ARFIP1: variants seen among roughly 807,000 people sequenced by gnomAD.
The protein encoded by ARFIP1 is arfaptin-1.
A neutral mutation model predicts 42.5 loss-of-function variants in ARFIP1; 24 were observed. That is an observed-to-expected ratio of 0.57 (90% CI 0.41 to 0.80). The LOEUF is 0.80. Ranked by LOEUF, ARFIP1 falls within the 30% of genes least tolerant of loss-of-function variation. The pLI, the probability that ARFIP1 is intolerant of heterozygous loss-of-function variation, is 0.00. For missense variants in ARFIP1, 354 were observed against 434.0 expected, an observed-to-expected ratio of 0.82 and a Z score of 1.64; for synonymous variants, 141 against 153.7, an observed-to-expected ratio of 0.92 and a Z score of 0.61.
chr4:152,887,370 A>G (rs1472679786), intron 7 of ARFIP1, among the ~76,000 whole-genome samples: 5 of 152,024 alleles, frequency 3.3e-5, no homozygotes, highest in Non-Finnish European at 7.4e-5. Flanking sequence ...CATTCTGAAT[A>G]CTGATGTTAC....
At chr4:152,885,733 T>C (rs900858016) in intron 7 of ARFIP1, among the ~76,000 whole-genome samples, 1 of 152,088 alleles carries the variant, frequency 6.6e-6, no homozygotes, top group African/African-American at 2.4e-5. Context: ...TCCAAGGCTA[T>C]TGAAGGATAT....
chr4:152,876,508 A>G (rs1735343702), intron 5 of ARFIP1, among the ~76,000 whole-genome samples: 1 of 152,222 alleles, frequency 6.6e-6, no homozygotes, highest in Non-Finnish European at 1.5e-5. Context: ...TGTTAAAGGC[A>G]TTCAGTTTTA....
intron 8 of ARFIP1, among the ~76,000 whole-genome samples, chr4:152,889,264 T>C (rs1736522609): frequency 6.6e-6 from 1 of 151,960 alleles, no homozygotes; most frequent in Non-Finnish European, 1.5e-5. Context: ...CTCTCATGGC[T>C]ACTATAAAAC....
chr4:152,897,205 A>G (rs1430848873), intron 8 of ARFIP1, among the ~76,000 whole-genome samples: 1 of 152,168 alleles, frequency 6.6e-6, no homozygotes, highest in African/African-American at 2.4e-5. Context: ...GACTCATCCA[A>G]CCCATACCTG....
At chr4:152,857,304 TG>T (rs1733523550) in intron 2 of ARFIP1, among the ~76,000 whole-genome samples, 1 of 152,222 alleles carries the variant, frequency 6.6e-6, no homozygotes, top group Non-Finnish European at 1.5e-5. Flanking sequence ...TCTGAAATAA[TG>T]TTTTTTTAAA....
chr4:152,901,519 G>A (rs1737832517), intron 8 of ARFIP1, among the ~76,000 whole-genome samples: 1 of 152,310 alleles, frequency 6.6e-6, no homozygotes, highest in East Asian at 1.9e-4. Context: ...TTGTTTGGCA[G>A]ATGTTTACGA....
intron 1 of ARFIP1, among the ~76,000 whole-genome samples, chr4:152,790,645 T>C (rs1731089869): frequency 6.6e-6 from 1 of 152,214 alleles, no homozygotes. Flanking sequence ...ACTTTTAAAT[T>C]GTTTCTTATT....
chr4:152,790,791 T>C lies in ARFIP1; in HGVS notation c.-10+10565T>C, dbSNP rs116553664. ...ATCTGTTGCCCAGGCTGGAGTGTAG[T>C]GTCACAGTCTCGGCTTACTGCAACC... On this transcript the variant is annotated intron_variant, in intron 1 of 8. Coordinates refer to ENST00000353617, the MANE Select transcript of ARFIP1 (RefSeq NM_001025595.3). Among the ~76,000 whole-genome samples the C allele has an allele frequency of 7.7e-3, 1,153 of 148,842 alleles. 14 individuals are homozygous for C. The highest frequency in any genetic ancestry group is 0.027 in the African/African-American group (1,067 of 40,176).
chr4:152,842,573 T>G (rs1206100120), intron 2 of ARFIP1, among the ~76,000 whole-genome samples: 1 of 152,202 alleles, frequency 6.6e-6, no homozygotes, highest in East Asian at 1.9e-4. Flanking sequence ...TTGTTTAACA[T>G]AATCCCAGAC....
At chr4:152,877,069 C>T (rs571235280) in intron 5 of ARFIP1, among the ~76,000 whole-genome samples, 12 of 152,270 alleles carry the variant, frequency 7.9e-5, no homozygotes, top group African/African-American at 2.9e-4. Flanking sequence ...GGGAATCGTG[C>T]GATCAGAGCC....
At position 152,868,107 on chromosome 4, in the gene ARFIP1, C is replaced by T. The variant is rs147073707; in HGVS notation, c.203-2646C>T. Among the ~76,000 whole-genome samples the T allele has an allele frequency of 8.5e-3, 1,289 of 152,264 alleles. 13 individuals carry two copies. The highest frequency in any genetic ancestry group is 0.02 in the Middle Eastern group (6 of 294). On this transcript the variant is annotated intron_variant, in intron 3 of 8. Coordinates refer to ENST00000353617, the MANE Select transcript of ARFIP1 (RefSeq NM_001025595.3). ...AAACAGTTAACAAGAAGAGTATAAC[C>T]ATCTACTTTTTCATCTATCTAGAGC...
At chr4:152,797,980 G>C (rs1056973844) in intron 1 of ARFIP1, among the ~76,000 whole-genome samples, 16 of 152,132 alleles carry the variant, frequency 1.1e-4, no homozygotes, top group Non-Finnish European at 2.9e-5. Flanking sequence ...AGAAATGGCC[G>C]GGCGCGGTGG....
chr4:152,784,926 T>TGACATACTGCCTTTGGAACAGG (rs1561093337), intron 1 of ARFIP1, among the ~76,000 whole-genome samples: 1 of 152,224 alleles, frequency 6.6e-6, no homozygotes, highest in Non-Finnish European at 1.5e-5. Flanking sequence ...TGGGGAACAG[T>TGACATACTGCCTTTGGAACAGG]GACATACTGC....
intron 3 of ARFIP1, among the ~76,000 whole-genome samples, chr4:152,866,827 G>A (rs1173711920): frequency 4.6e-5 from 7 of 151,936 alleles, no homozygotes; most frequent in African/African-American, 1.7e-4. Context: ...TGGGGTCGCG[G>A]CCAGGCAGAG....
At chr4:152,870,500 T>G (rs1734787627) in intron 3 of ARFIP1, among the ~76,000 whole-genome samples, 1 of 152,236 alleles carries the variant, frequency 6.6e-6, no homozygotes, top group African/African-American at 2.4e-5. Context: ...TTAGATGTCA[T>G]CTACCAGATT....
intron 8 of ARFIP1, among the ~76,000 whole-genome samples, chr4:152,905,067 T>G (rs535140398): frequency 4.6e-5 from 7 of 152,198 alleles, no homozygotes; most frequent in Non-Finnish European, 1.0e-4. Context: ...TGTTGTTTCT[T>G]GACTTTTTAA....
intron 2 of ARFIP1, among the ~76,000 whole-genome samples, chr4:152,834,011 CAG>C (rs1015315318): frequency 2.0e-4 from 30 of 152,144 alleles, no homozygotes; most frequent in Non-Finnish European, 2.9e-5. Context: ...GGTGGGGCCT[CAG>C]GGAGCTTTTA....
chr4:152,869,033 A>C (rs942118327), intron 3 of ARFIP1, among the ~76,000 whole-genome samples: 8 of 152,216 alleles, frequency 5.3e-5, no homozygotes, highest in Non-Finnish European at 1.2e-4. Flanking sequence ...TAAAGAGAAA[A>C]ATATCTCTCA....
intron 5 of ARFIP1, among the ~76,000 whole-genome samples, chr4:152,876,938 T>C (rs971628392): frequency 4.3e-4 from 65 of 152,318 alleles, no homozygotes; most frequent in African/African-American, 1.5e-3. Context: ...AAGTCAGGAA[T>C]TGAGGTTTGG....
Sources: gnomAD v4.1 joint callset for allele counts (sites outside exome capture counted in the v4.1 genomes callset) on GRCh38, gnomAD v4.1.1 for gene constraint, MANE v1.5 for transcripts, NCBI Gene and HGNC (gene_info 2026-07-23, HGNC 2026-07-21) for gene names.